Variants in DLGAP2 observed in about 807,000 individuals in gnomAD.
DLGAP2 encodes the protein DLG associated protein 2.
A neutral mutation model predicts 100.3 loss-of-function variants in DLGAP2; 26 were observed. The observed-to-expected ratio is 0.26, with a 90% CI of 0.19 to 0.36. DLGAP2 has a LOEUF of 0.36. Among genes scored for constraint, DLGAP2 ranks in the 10% least tolerant of loss-of-function variants. DLGAP2 has a pLI of 1.00. For synonymous variants in DLGAP2, 886 were observed against 630.1 expected, an observed-to-expected ratio of 1.41 and a Z score of -6.08; for missense variants, 1,858 against 1,453.2, an observed-to-expected ratio of 1.28 and a Z score of -4.53.
At chr8:1,520,707 C>G (rs1010126012) in intron 4 of DLGAP2, among the ~76,000 whole-genome samples, 1 of 152,172 alleles carries the variant, frequency 6.6e-6, no homozygotes, top group African/African-American at 2.4e-5. Flanking sequence ...GGCTTGGGAG[C>G]TCATTTCATT....
intron 2 of DLGAP2, among the ~76,000 whole-genome samples, chr8:1,089,397 A>T (rs931523082): frequency 2.0e-5 from 3 of 152,148 alleles, no homozygotes; most frequent in Non-Finnish European, 4.4e-5. Flanking sequence ...TGCTGCCCTC[A>T]CTCATAACCG....
At chr8:1,602,803 G>C (rs779578510) in intron 6 of DLGAP2, among the ~76,000 whole-genome samples, 2 of 152,254 alleles carry the variant, frequency 1.3e-5, no homozygotes, top group African/African-American at 2.4e-5. Flanking sequence ...GGCAGTGACA[G>C]CTCTCATGCT....
At chr8:803,297 C>T (rs906177096) in intron 1 of DLGAP2, among the ~76,000 whole-genome samples, 2 of 152,222 alleles carry the variant, frequency 1.3e-5, no homozygotes, top group Non-Finnish European at 2.9e-5. Flanking sequence ...CTCTGCCTCT[C>T]TTCCTAGAAT....
At chr8:1,581,422 A>G (rs1333806872) in intron 6 of DLGAP2, among the ~76,000 whole-genome samples, 5 of 151,890 alleles carry the variant, frequency 3.3e-5, no homozygotes, top group African/African-American at 9.7e-5. Flanking sequence ...ACACACATAT[A>G]CACACCACAG....
chr8:856,647 A>T (rs1292350401), intron 1 of DLGAP2, among the ~76,000 whole-genome samples: 2 of 152,354 alleles, frequency 1.3e-5, no homozygotes, highest in African/African-American at 4.8e-5. Context: ...AAAAATGTAA[A>T]ATGCTTAAGT....
chr8:1,451,367 G>A (rs971074010), intron 3 of DLGAP2, among the ~76,000 whole-genome samples: 6 of 152,114 alleles, frequency 3.9e-5, no homozygotes, highest in African/African-American at 1.2e-4. Context: ...CAGGTTGCAT[G>A]CATGAGTGAG....
rs183996517 is a variant in DLGAP2, at chr8:886,743, T to C, written c.19-21169T>C. ...GCACTGTGGTCTGGAGAGACTGTTA[T>C]GATTTCAGTTCTTTTGCATTTGCTG... is the stretch of plus-strand genomic sequence containing the variant. On this transcript the variant is annotated intron_variant, in intron 1 of 14. Transcript: ENST00000637795. Among the ~76,000 whole-genome samples, 57 of 152,294 alleles carry C rather than the reference T, an allele frequency of 3.7e-4. 1 individual carries two copies. The highest frequency in any genetic ancestry group is 6.3e-4 in the African/African-American group (26 of 41,570).
intron 1 of DLGAP2, among the ~76,000 whole-genome samples, chr8:757,942 G>A (rs570672343): frequency 2.6e-4 from 40 of 152,296 alleles, no homozygotes; most frequent in African/African-American, 8.7e-4. Flanking sequence ...GCTGGGCGGC[G>A]TGGGGCAAGT....
intron 1 of DLGAP2, among the ~76,000 whole-genome samples, chr8:760,898 C>T (rs1233745037): frequency 3.9e-5 from 6 of 152,094 alleles, no homozygotes; most frequent in Admixed American, 2.0e-4. Context: ...TGCGGGAGAC[C>T]CTAATTCCCA....
chr8:1,024,706 A>C (rs1226625850), intron 2 of DLGAP2, among the ~76,000 whole-genome samples: 1 of 152,028 alleles, frequency 6.6e-6, no homozygotes, highest in African/African-American at 2.4e-5. Flanking sequence ...CTCGTGAAGA[A>C]CTCACAGGCG....
In DLGAP2 at chr8:1,539,325, A is replaced by G. The variant is rs189904140; in HGVS notation, c.173-9301A>G. ...TGCCTTCCACATTGAGATGCAATCC[A>G]CAGACAAGTTGTCAAGTCCATCTGG... On this transcript the variant is annotated intron_variant, in intron 4 of 14. Transcript: ENST00000637795. Among the ~76,000 whole-genome samples the G allele has an allele frequency of 2.9e-3, 448 of 152,304 alleles. 1 individual carries two copies. The highest frequency in any genetic ancestry group is 3.9e-3 in the South Asian group (19 of 4,826).
intron 1 of DLGAP2, among the ~76,000 whole-genome samples, chr8:893,523 G>C (rs898034706): frequency 3.2e-4 from 49 of 152,354 alleles, no homozygotes; most frequent in African/African-American, 1.1e-3. Context: ...ATGAAGGGGA[G>C]GGTGGGGTTA....
intron 2 of DLGAP2, among the ~76,000 whole-genome samples, chr8:1,011,897 C>T (rs1316277858): frequency 6.6e-6 from 1 of 152,200 alleles, no homozygotes; most frequent in East Asian, 1.9e-4. Flanking sequence ...TTTCCCAGGG[C>T]TTTGTGTTTT....
chr8:1,370,066 C>T (rs1462639674), intron 3 of DLGAP2, among the ~76,000 whole-genome samples: 6 of 152,174 alleles, frequency 3.9e-5, no homozygotes, highest in Non-Finnish European at 8.8e-5. Flanking sequence ...GGCCATTTCT[C>T]GGGGTGACTA....
intron 2 of DLGAP2, among the ~76,000 whole-genome samples, chr8:1,075,322 G>A (rs897710296): frequency 3.3e-5 from 5 of 152,152 alleles, no homozygotes; most frequent in African/African-American, 7.2e-5. Context: ...CAGGCGATGC[G>A]GATTGAGGCG....
chr8:1,582,182 G>A (rs560171114), intron 6 of DLGAP2, among the ~76,000 whole-genome samples: 48 of 145,034 alleles, frequency 3.3e-4, no homozygotes, highest in African/African-American at 1.2e-3. Context: ...AGAAGTGAAG[G>A]ATACAGACAA....
At chr8:1,203,254 C>G (rs1274006929) in intron 2 of DLGAP2, among the ~76,000 whole-genome samples, 1 of 152,130 alleles carries the variant, frequency 6.6e-6, no homozygotes, top group Admixed American at 6.5e-5. Context: ...ATCCATGAGA[C>G]TAGTGTGTCC....
chr8:1,228,737 C>T (rs1430764186), intron 2 of DLGAP2, among the ~76,000 whole-genome samples: 1 of 152,160 alleles, frequency 6.6e-6, no homozygotes, highest in Non-Finnish European at 1.5e-5. Flanking sequence ...AATTCAACAC[C>T]TCTTCATAAC....
intron 3 of DLGAP2, among the ~76,000 whole-genome samples, chr8:1,414,219 C>G (rs1456078726): frequency 2.0e-5 from 3 of 152,272 alleles, no homozygotes; most frequent in African/African-American, 7.2e-5. Flanking sequence ...AGTGCTAAAG[C>G]TGGAAACTGG....
Sources: gnomAD v4.1 joint callset for allele counts (sites outside exome capture counted in the v4.1 genomes callset) on GRCh38, gnomAD v4.1.1 for gene constraint, MANE v1.5 for transcripts, NCBI Gene and HGNC (gene_info 2026-07-23, HGNC 2026-07-21) for gene names.